Variants in HCN3 observed in about 807,000 individuals in gnomAD.
HCN3 encodes the protein hyperpolarization activated cyclic nucleotide gated potassium channel 3.
In HCN3, 36 loss-of-function variants were observed where a neutral mutation model predicts 56.8. The observed-to-expected ratio is 0.63, with a 90% CI of 0.49 to 0.84. The LOEUF is 0.84. Among genes scored for constraint, HCN3 ranks in the 40% least tolerant of loss-of-function variants. The pLI, the probability that HCN3 is intolerant of heterozygous loss-of-function variation, is 0.00. For missense variants in HCN3, 930 were observed against 1,079.3 expected, an observed-to-expected ratio of 0.86 and a Z score of 1.94; for synonymous variants, 425 against 439.7, an observed-to-expected ratio of 0.97 and a Z score of 0.42.
rs758714511 is a variant in HCN3, at chr1:155,277,673, C to T, written c.83C>T (p.Pro28Leu). Residue 28 changes from proline (P) to leucine (L), a missense_variant, in exon 1 of 8, where the codon CCG becomes CTG. By Grantham distance (98) the Pro-to-Leu change is moderately conservative. Coordinates refer to ENST00000368358, the MANE Select transcript of HCN3 (RefSeq NM_020897.3). ...GAGGCGGTGCCTCCCGTTGCTCCCC[C>T]GCCTGCGACCGCGGCCTCAGGTCCG... is the stretch of plus-strand genomic sequence containing the variant. Reference protein sequence around the residue: ...GLEAVPPVAPPPATAASGPIP... With the variant: ...GLEAVPPVAPLPATAASGPIP... The T allele has an allele frequency of 2.6e-6, 4 of 1,557,424 alleles. No individual in the cohort carries two copies. The highest frequency in any genetic ancestry group is 2.6e-6 in the Non-Finnish European group (3 of 1,151,618).
At chr1:155,279,367 T>C (rs1673931129) in intron 1 of HCN3, among the ~76,000 whole-genome samples, 2 of 152,202 alleles carry the variant, frequency 1.3e-5, no homozygotes, top group South Asian at 4.1e-4. Flanking sequence ...TGCCTCTGCC[T>C]GTGCTCAGCC....
rs1210418527 is a variant in HCN3 at position 155,277,663 on chromosome 1, G to A, written c.73G>A (p.Val25Ile). 1 of 1,555,484 alleles carries A rather than the reference G, an allele frequency of 6.4e-7. No homozygotes were observed. The highest frequency in any genetic ancestry group is 2.4e-5 in the East Asian group (1 of 41,474). ...ATPGLEAVPP[V>I]APPPATAASG... ...CCCTGGACTGGAGGCGGTGCCTCCC[G>A]TTGCTCCCCCGCCTGCGACCGCGGC... The change falls in exon 1 of 8, where the codon GTT (valine) becomes ATT (isoleucine). Residue 25 changes from valine (V) to isoleucine (I), a missense_variant. Coordinates refer to ENST00000368358, the MANE Select transcript of HCN3 (RefSeq NM_020897.3).
chr1:155,279,690 T>C (rs940664297), intron 1 of HCN3, among the ~76,000 whole-genome samples: 1 of 152,034 alleles, frequency 6.6e-6, no homozygotes, highest in African/African-American at 2.4e-5. Flanking sequence ...TAACTGGAGA[T>C]GGGGGAAGCA....
At chr1:155,283,879 G>A in intron 2 of HCN3, 95 bp from the exon 3 acceptor site, 8 of 1,311,760 alleles carry the variant, frequency 6.1e-6, no homozygotes, top group Non-Finnish European at 8.6e-6. Flanking sequence ...CTGGGGCTAG[G>A]GAGTAGTTCA....
Position 155,284,144 on chromosome 1 carries a change from T to C in HCN3, c.870+9T>C. ...CCATCAACCACATGGTGGTGAGAAG[T>C]CCCCACAGCTCTGCCTTTCCTGGGC... is the stretch of plus-strand genomic sequence containing the variant. On this transcript the variant is annotated intron_variant, in intron 3 of 7. Coordinates refer to ENST00000368358, the MANE Select transcript of HCN3 (RefSeq NM_020897.3). This position sits in a 1 kb window ranked among gnomAD's most constrained non-coding sequence, Gnocchi z 4.3. 2 of 1,612,428 alleles carry C rather than the reference T, an allele frequency of 1.2e-6. No individual in the cohort carries two copies. The highest frequency in any genetic ancestry group is 1.7e-6 in the Non-Finnish European group (2 of 1,178,626).
rs781682446 is a variant in HCN3, at chr1:155,288,246, G to T, written c.2108G>T (p.Arg703Leu). The T allele has an allele frequency of 6.3e-7, 1 of 1,589,312 alleles. No individual in the cohort carries two copies. ...GGTCCCCCTCCAGGAGGAGGTGGAC[G>T]GCGGCTAGGACCTCGGGGCCGCCCA... Reference protein sequence around the residue: ...LLGPPPGGGGRRLGPRGRPLS... With the variant: ...LLGPPPGGGGLRLGPRGRPLS... Residue 703 changes from arginine to leucine, a missense_variant, in exon 8 of 8, where the codon CGG (arginine) becomes CTG (leucine). Arg to Leu is a moderately radical substitution (Grantham distance 102). Transcript: ENST00000368358. This position sits in a 1 kb window ranked among gnomAD's most constrained non-coding sequence, Gnocchi z 6.5.
chr1:155,284,906 C>T lies in HCN3; in HGVS notation c.1089+149C>T, dbSNP rs1026316861. On this transcript the variant is annotated intron_variant, in intron 4 of 7. Transcript: ENST00000368358. The surrounding 1 kb of genome is among the most constrained non-coding windows in gnomAD (Gnocchi z 4.3). ...ATTTGTTCCCTGCCCCTGCATGTAC[C>T]TTTTCCTTGTTTGAACCTATGCCTG... 52 of 869,686 alleles carry T rather than the reference C, an allele frequency of 6.0e-5. No individual in the cohort carries two copies. Among genetic ancestry groups the T allele is most frequent in the Non-Finnish European group, 8.6e-5 (49 of 570,106 alleles). The allele number at this position is 869,686 out of a possible 1,614,324, so 53.9% of individuals were successfully genotyped here.
intron 2 of HCN3, 104 bp from the exon 3 acceptor site, chr1:155,283,870 T>G: frequency 1.7e-6 from 2 of 1,192,788 alleles, no homozygotes; most frequent in South Asian, 2.9e-5. Flanking sequence ...TCATGGGGGC[T>G]GGGGCTAGGG....
intron 1 of HCN3, among the ~76,000 whole-genome samples, chr1:155,279,603 G>A (rs1673941374): frequency 6.6e-6 from 1 of 152,210 alleles, no homozygotes; most frequent in Non-Finnish European, 1.5e-5. Flanking sequence ...GGATCCGTGG[G>A]TCCAACTGTG....
Position 155,285,598 on chromosome 1 carries a change from A to T in HCN3, c.1237-126A>T, listed in dbSNP as rs941189762. The stretch of plus-strand genomic sequence containing the variant: ...GGAGCTTAGGGATGGTCCCAGGCCC[A>T]CTGATGCCTCCCCATCCTTTGGCAG... On this transcript the variant is annotated intron_variant, in intron 5 of 7. Transcript: ENST00000368358. This position sits in a 1 kb window ranked among gnomAD's most constrained non-coding sequence, Gnocchi z 4.5. 25 of 1,335,472 alleles carry T rather than the reference A, an allele frequency of 1.9e-5. No homozygotes were observed. The highest frequency in any genetic ancestry group is 2.4e-5 in the Non-Finnish European group (24 of 980,858). The allele number at this position is 1,335,472 out of a possible 1,614,324, so 82.7% of individuals were successfully genotyped here.
At position 155,288,258 on chromosome 1, in the gene HCN3, C is replaced by T. The variant is rs1674383628; in HGVS notation, c.2120C>T (p.Pro707Leu). The T allele has an allele frequency of 6.3e-7, 1 of 1,597,256 alleles. No homozygotes were observed. Among genetic ancestry groups the T allele is most frequent in the African/African-American group, 1.3e-5 (1 of 74,668 alleles). ...GGAGGAGGTGGACGGCGGCTAGGACCTCGGGGCCGCCCACTCTCAGCCTCC... is the reference window on the plus strand; with the variant it reads ...GGAGGAGGTGGACGGCGGCTAGGACTTCGGGGCCGCCCACTCTCAGCCTCC... ...PPGGGGRRLG[P>L]RGRPLSASQP... Residue 707 changes from proline (P) to leucine (L), a missense_variant, in exon 8 of 8, where the codon CCT becomes CTT. Coordinates refer to ENST00000368358, the MANE Select transcript of HCN3 (RefSeq NM_020897.3). This position sits in a 1 kb window ranked among gnomAD's most constrained non-coding sequence, Gnocchi z 6.5.
In HCN3 at chr1:155,287,281, T is replaced by C; in HGVS notation, c.1586T>C (p.Phe529Ser). 6.2e-7 allele frequency: 1 copy of C among 1,613,920 alleles called. No homozygotes were observed. The highest frequency in any genetic ancestry group is 8.5e-7 in the Non-Finnish European group (1 of 1,179,916). The change falls in exon 7 of 8, where the codon TTC becomes TCC. Residue 529 changes from phenylalanine (F) to serine (S), a missense_variant. By Grantham distance (155) the Phe-to-Ser change is radical. Transcript: ENST00000368358. ...VDHFNAVLEE[F>S]PMMRRAFETV... Reference sequence around the variant, plus strand: ...CATTTCAATGCTGTGCTTGAGGAGTTCCCCATGATGCGCCGGGCCTTTGAG... The same window carrying C: ...CATTTCAATGCTGTGCTTGAGGAGTCCCCCATGATGCGCCGGGCCTTTGAG...
Position 155,284,787 on chromosome 1 carries a change from C to T in HCN3, c.1089+30C>T. 6.3e-7 allele frequency: 1 copy of T among 1,580,762 alleles called. No homozygotes were observed. The highest frequency in any genetic ancestry group is 8.6e-7 in the Non-Finnish European group (1 of 1,158,968). On this transcript the variant is annotated intron_variant, in intron 4 of 7. Coordinates refer to ENST00000368358, the MANE Select transcript of HCN3 (RefSeq NM_020897.3). This position sits in a 1 kb window ranked among gnomAD's most constrained non-coding sequence, Gnocchi z 4.3. ...GCAGGGACAGGAGAGGGAGGTGTGG[C>T]ATGGAGGGGTGTTGGAGACTGGGTA...
Position 155,287,965 on chromosome 1 carries a change from G to C in HCN3, c.1827G>C (p.Ala609=). 1 of 1,614,040 alleles carries C rather than the reference G, an allele frequency of 6.2e-7. No homozygotes were observed. Among genetic ancestry groups the C allele is most frequent in the Non-Finnish European group, 8.5e-7 (1 of 1,180,000 alleles). Residue 609 remains alanine (A), a synonymous_variant, in exon 8 of 8, where the codon GCG becomes GCC. Coordinates refer to ENST00000368358, the MANE Select transcript of HCN3 (RefSeq NM_020897.3). ...TACTGTGGGAGCCACTGGTACATGC[G>C]CCCCTTCAGGCAGCTGCTGTGACCT... ...KPVLWEPLVH[A]PLQAAAVTSN...
intron 7 of HCN3, 29 bp downstream of exon 7, chr1:155,287,366 G>T (rs766946567): frequency 1.2e-6 from 2 of 1,611,218 alleles, no homozygotes; most frequent in Non-Finnish European, 1.7e-6. Context: ...ATCTGCTCTG[G>T]GTCCAGACTG....
Position 155,285,702 on chromosome 1 carries a change from GA to G in HCN3, c.1237-21del. ...CTCAGGTCAGGGGCACAGCCTGCCT[GA>G]CAGGCCCCTCCCCTGTCCAGGAGAT... On this transcript the variant is annotated intron_variant, in intron 5 of 7. Coordinates refer to ENST00000368358, the MANE Select transcript of HCN3 (RefSeq NM_020897.3). The surrounding 1 kb of genome is among the most constrained non-coding windows in gnomAD (Gnocchi z 4.5). 1 of 1,612,962 alleles carries G rather than the reference GA, an allele frequency of 6.2e-7. No individual in the cohort carries two copies. Among genetic ancestry groups the G allele is most frequent in the Non-Finnish European group, 8.5e-7 (1 of 1,179,268 alleles).
chr1:155,287,390 C>T lies in HCN3; in HGVS notation c.1642+53C>T, dbSNP rs531033341. 2.4e-5 allele frequency: 38 copies of T among 1,598,004 alleles called. No homozygotes were observed. In the South Asian group the frequency reaches 4.2e-4, roughly 18 times the overall value. On this transcript the variant is annotated intron_variant, in intron 7 of 7. Transcript: ENST00000368358. ...GGGTCCAGACTGTGCTCTCACCCCA[C>T]CTCCAAAGCAAGGAGCCCAGGCTTT...
chr1:155,285,041 G>A lies in HCN3; in HGVS notation c.1090-124G>A. On this transcript the variant is annotated intron_variant, in intron 4 of 7. Coordinates refer to ENST00000368358, the MANE Select transcript of HCN3 (RefSeq NM_020897.3). The surrounding 1 kb of genome is among the most constrained non-coding windows in gnomAD (Gnocchi z 4.5). ...TCTGTGGCCCTGTGTATCCATGTCT[G>A]GTTCCACGTTTCACCCCTTTGAGTT... The A allele has an allele frequency of 2.7e-6, 3 of 1,095,454 alleles. No homozygotes were observed. The highest frequency in any genetic ancestry group is 4.0e-6 in the Non-Finnish European group (3 of 744,700). The allele number at this position is 1,095,454 out of a possible 1,614,324, so 67.9% of individuals were successfully genotyped here. A position where few individuals can be genotyped will look rare whatever the true frequency, so the allele number is the denominator to read the frequency against.
chr1:155,284,502 G>A lies in HCN3; in HGVS notation c.871-37G>A. 1 of 1,578,484 alleles carries A rather than the reference G, an allele frequency of 6.3e-7. No homozygotes were observed. Among genetic ancestry groups the A allele is most frequent in the Non-Finnish European group, 8.7e-7 (1 of 1,154,892 alleles). On this transcript the variant is annotated intron_variant, in intron 3 of 7. Coordinates refer to ENST00000368358, the MANE Select transcript of HCN3 (RefSeq NM_020897.3). The surrounding 1 kb of genome is among the most constrained non-coding windows in gnomAD (Gnocchi z 4.3). The stretch of plus-strand genomic sequence containing the variant: ...CAGGCAGAGAATGAGGCTCCGAGGG[G>A]CCCATGCCCAGCTCTGCAATATACT...
Sources: allele counts gnomAD v4.1 joint callset (sites outside exome capture counted in the v4.1 genomes callset), GRCh38; gene constraint gnomAD v4.1.1; non-coding constraint Gnocchi (gnomAD v3.1); transcripts MANE v1.5; gene names NCBI Gene and HGNC (gene_info 2026-07-23, HGNC 2026-07-21).